DAB1: variants seen among roughly 807,000 people sequenced by gnomAD.
DAB1 encodes disabled homolog 1.
DAB1 carries 15 observed loss-of-function variants against 64.6 expected under a neutral mutation model. The ratio of observed to expected loss-of-function variants is 0.23; its 90% CI spans 0.16 to 0.36. The LOEUF (loss-of-function observed/expected upper bound fraction) is 0.36. Ranked by LOEUF, DAB1 falls within the 10% of genes least tolerant of loss-of-function variation. The pLI, the probability that DAB1 is intolerant of heterozygous loss-of-function variation, is 1.00. For synonymous variants in DAB1, 235 were observed against 251.9 expected, an observed-to-expected ratio of 0.93 and a Z score of 0.64; for missense variants, 596 against 706.7, an observed-to-expected ratio of 0.84 and a Z score of 1.78.
intron 1 of DAB1, chr1:57,307,118 T>C (rs1185189748): frequency 1.3e-5 from 2 of 152,224 alleles, no homozygotes; most frequent in Non-Finnish European, 2.9e-5. Flanking sequence ...GGTCCCTCTT[T>C]GTGCACTCAT....
chr1:57,153,330 A>G (rs550065766), intron 2 of DAB1, among the ~76,000 whole-genome samples: 8 of 152,096 alleles, frequency 5.3e-5, no homozygotes, highest in Non-Finnish European at 1.0e-4. Context: ...CCAGCCCCAT[A>G]TAGTATTATT....
At chr1:58,059,052 G>T (rs1175762986) in intron 5 of DAB1, among the ~76,000 whole-genome samples, 1 of 152,190 alleles carries the variant, frequency 6.6e-6, no homozygotes, top group Non-Finnish European at 1.5e-5. Flanking sequence ...AGGGCCATCT[G>T]CAGTGAAGGT....
chr1:57,709,082 C>T (rs988785928), intron 6 of DAB1, among the ~76,000 whole-genome samples: 4 of 152,036 alleles, frequency 2.6e-5, no homozygotes, highest in East Asian at 3.9e-4. Flanking sequence ...TTTTTTATTC[C>T]AATTTTTTCT....
intron 1 of DAB1, among the ~76,000 whole-genome samples, chr1:57,335,739 C>A (rs947126136): frequency 6.6e-6 from 1 of 152,136 alleles, no homozygotes; most frequent in African/African-American, 2.4e-5. Context: ...ATTAAAAGGT[C>A]GAGAATCCAC....
chr1:57,294,483 G>C (rs1673034691), intron 1 of DAB1, among the ~76,000 whole-genome samples: 1 of 150,904 alleles, frequency 6.6e-6, no homozygotes, highest in Non-Finnish European at 1.5e-5. Context: ...TTTAAACAAA[G>C]CATGAAGGTT....
At chr1:58,012,270 G>A (rs1200312580) in intron 5 of DAB1, among the ~76,000 whole-genome samples, 1 of 152,098 alleles carries the variant, frequency 6.6e-6, no homozygotes, top group Non-Finnish European at 1.5e-5. Flanking sequence ...ATTGATTATA[G>A]CTACTGACCC....
intron 3 of DAB1, among the ~76,000 whole-genome samples, chr1:58,422,502 G>A (rs983143081): frequency 1.3e-5 from 2 of 151,892 alleles, no homozygotes; most frequent in Non-Finnish European, 2.9e-5. Flanking sequence ...CAAGAGAGCT[G>A]CTGTCTCGTC....
At chr1:57,836,103 G>A (rs756772066) in intron 1 of DAB1, among the ~76,000 whole-genome samples, 2 of 152,122 alleles carry the variant, frequency 1.3e-5, no homozygotes, top group Admixed American at 6.5e-5. Flanking sequence ...GGGAGAAAGA[G>A]GAAGGAATTC....
At chr1:57,539,554 C>A (rs1644776059) in intron 7 of DAB1, among the ~76,000 whole-genome samples, 1 of 152,150 alleles carries the variant, frequency 6.6e-6, no homozygotes, top group South Asian at 2.1e-4. Context: ...TCTATAAATT[C>A]TCTGAGAATC....
chr1:57,288,493 G>A (rs978795660), intron 2 of DAB1, among the ~76,000 whole-genome samples: 1 of 152,156 alleles, frequency 6.6e-6, no homozygotes, highest in African/African-American at 2.4e-5. Flanking sequence ...GGAAAGAAGA[G>A]AAGGAAAGAG....
At chr1:57,573,055 C>T (rs1645211099) in intron 7 of DAB1, among the ~76,000 whole-genome samples, 1 of 152,176 alleles carries the variant, frequency 6.6e-6, no homozygotes, top group South Asian at 2.1e-4. Context: ...AATATCCAAA[C>T]TATATCAATG....
chr1:57,778,828 C>A (rs1280183707), intron 6 of DAB1, among the ~76,000 whole-genome samples: 10 of 151,820 alleles, frequency 6.6e-5, no homozygotes, highest in Non-Finnish European at 1.3e-4. Flanking sequence ...CTTTTCATTT[C>A]TTCTTTTCTG....
At chr1:57,553,016 C>A (rs181573521) in intron 7 of DAB1, among the ~76,000 whole-genome samples, 15 of 152,106 alleles carry the variant, frequency 9.9e-5, no homozygotes, top group Middle Eastern at 3.4e-3. Flanking sequence ...CAGTCCCAGA[C>A]TGGGTATGTA....
At chr1:57,369,016 A>G (rs1680285298) in intron 1 of DAB1, among the ~76,000 whole-genome samples, 1 of 152,198 alleles carries the variant, frequency 6.6e-6, no homozygotes, top group South Asian at 2.1e-4. Flanking sequence ...TAAGCATGAC[A>G]TTTGCTCCAT....
At chr1:57,683,582 T>C (rs1234147790) in intron 6 of DAB1, among the ~76,000 whole-genome samples, 1 of 152,188 alleles carries the variant, frequency 6.6e-6, no homozygotes, top group Non-Finnish European at 1.5e-5. Flanking sequence ...AAAGATCTTG[T>C]ACAGAGCCTT....
chr1:58,005,560 C>T (rs1646569228), intron 5 of DAB1, among the ~76,000 whole-genome samples: 1 of 150,892 alleles, frequency 6.6e-6, no homozygotes, highest in African/African-American at 2.4e-5. Flanking sequence ...GTCCTGATAC[C>T]CAGACAGCTG....
At chr1:57,277,799 C>T (rs925593681) in intron 2 of DAB1, among the ~76,000 whole-genome samples, 2 of 152,148 alleles carry the variant, frequency 1.3e-5, no homozygotes, top group Admixed American at 6.6e-5. Flanking sequence ...CCAACAGTCC[C>T]GTACATCATC....
chr1:57,099,500 T>TTA (rs1241360744), intron 4 of DAB1, among the ~76,000 whole-genome samples: 2 of 152,196 alleles, frequency 1.3e-5, no homozygotes, highest in Non-Finnish European at 2.9e-5. Context: ...GTAAGCTAGG[T>TTA]AATATAGCTG....
intron 7 of DAB1, among the ~76,000 whole-genome samples, chr1:57,571,268 C>G (rs1209161775): frequency 2.6e-5 from 4 of 152,112 alleles, no homozygotes; most frequent in Non-Finnish European, 4.4e-5. Flanking sequence ...AAGTGGGCAT[C>G]CTTGTGCAAG....
Sources: gnomAD v4.1 joint callset for allele counts (sites outside exome capture counted in the v4.1 genomes callset) on GRCh38, gnomAD v4.1.1 for gene constraint, MANE v1.5 for transcripts, NCBI Gene and HGNC (gene_info 2026-07-23, HGNC 2026-07-21) for gene names.